NLGN1: variants seen among roughly 807,000 people sequenced by gnomAD.
NLGN1 encodes neuroligin 1, also known as neuroligin-1.
NLGN1 carries 12 observed loss-of-function variants against 65.5 expected under a neutral mutation model. The observed-to-expected ratio is 0.18, with a 90% CI of 0.12 to 0.30. The LOEUF is 0.30. Ranked by LOEUF, NLGN1 falls within the 10% of genes least tolerant of loss-of-function variation. The probability of loss-of-function intolerance (pLI) is 1.00; values close to 1 mark genes in which losing one functional copy is unlikely to be tolerated. For missense variants in NLGN1, 750 were observed against 1,007.1 expected (o/e 0.74, Z 3.46); for synonymous variants, 350 against 359.5 (o/e 0.97, Z 0.30).
intron 2 of NLGN1, among the ~76,000 whole-genome samples, chr3:173,559,196 C>G (rs76850473): frequency 6.6e-6 from 1 of 152,154 alleles, no homozygotes; most frequent in South Asian, 2.1e-4. Context: ...TGTGATTTCT[C>G]TCAATTTTCG....
At chr3:174,021,669 T>G (rs1259034077) in intron 4 of NLGN1, among the ~76,000 whole-genome samples, 1 of 152,166 alleles carries the variant, frequency 6.6e-6, no homozygotes, top group Non-Finnish European at 1.5e-5. Context: ...GGTTCTAGCC[T>G]TATGTATAAG....
At chr3:173,870,501 G>A (rs372625714) in intron 4 of NLGN1, among the ~76,000 whole-genome samples, 4 of 152,106 alleles carry the variant, frequency 2.6e-5, no homozygotes, top group African/African-American at 7.2e-5. Flanking sequence ...TCAGTTTTCC[G>A]ACAGTTTCAA....
chr3:174,225,538 T>A (rs1175689054), intron 4 of NLGN1, among the ~76,000 whole-genome samples: 1 of 152,172 alleles, frequency 6.6e-6, no homozygotes, highest in African/African-American at 2.4e-5. Context: ...AAGACCATCC[T>A]GGCTAACACA....
chr3:173,940,482 G>A (rs1447051826), intron 4 of NLGN1, among the ~76,000 whole-genome samples: 4 of 152,080 alleles, frequency 2.6e-5, no homozygotes, highest in Non-Finnish European at 2.9e-5. Flanking sequence ...ATCAACACCA[G>A]TTTATCTTTC....
At chr3:174,225,656 G>A (rs957853456) in intron 4 of NLGN1, among the ~76,000 whole-genome samples, 2 of 152,056 alleles carry the variant, frequency 1.3e-5, no homozygotes, top group African/African-American at 4.8e-5. Flanking sequence ...GCGTGAGCCC[G>A]GGAGGCGGAG....
chr3:173,446,373 T>C (rs1423592434), intron 2 of NLGN1, among the ~76,000 whole-genome samples: 14 of 152,216 alleles, frequency 9.2e-5, no homozygotes, highest in Non-Finnish European at 1.3e-4. Flanking sequence ...GCTTCATCCA[T>C]GTCCCTACAA....
chr3:173,579,285 G>A (rs1219790629), intron 2 of NLGN1, among the ~76,000 whole-genome samples: 1 of 152,210 alleles, frequency 6.6e-6, no homozygotes, highest in Non-Finnish European at 1.5e-5. Flanking sequence ...GCTAGCCTGG[G>A]CAACATAGTG....
intron 3 of NLGN1, among the ~76,000 whole-genome samples, chr3:173,797,702 A>AG (rs1714444408): frequency 6.6e-6 from 1 of 151,358 alleles, no homozygotes; most frequent in African/African-American, 2.4e-5. Context: ...ACAACAACAA[A>AG]AAAAAACAAG....
intron 4 of NLGN1, among the ~76,000 whole-genome samples, chr3:173,951,760 C>T (rs991632588): frequency 1.3e-5 from 2 of 152,026 alleles, no homozygotes; most frequent in South Asian, 2.1e-4. Flanking sequence ...TGCGCCAGGC[C>T]GAGACCAGGT....
intron 4 of NLGN1, among the ~76,000 whole-genome samples, chr3:174,244,501 ATG>A (rs1007343934): frequency 6.6e-6 from 1 of 152,202 alleles, no homozygotes; most frequent in African/African-American, 2.4e-5. Context: ...TTTCAAATAA[ATG>A]TCTTTTAATT....
At chr3:173,654,970 G>A (rs1337051307) in intron 3 of NLGN1, among the ~76,000 whole-genome samples, 1 of 152,100 alleles carries the variant, frequency 6.6e-6, no homozygotes, top group Non-Finnish European at 1.5e-5. Flanking sequence ...AGACTCCTTG[G>A]TTTCAGATCT....
intron 4 of NLGN1, among the ~76,000 whole-genome samples, chr3:173,810,347 G>T (rs1413315419): frequency 6.6e-6 from 1 of 152,108 alleles, no homozygotes; most frequent in African/African-American, 2.4e-5. Flanking sequence ...AAGGTTTCTT[G>T]GGTGTGGGAT....
intron 2 of NLGN1, among the ~76,000 whole-genome samples, chr3:173,446,214 C>G (rs576270381): frequency 8.7e-5 from 9 of 103,692 alleles, no homozygotes; most frequent in East Asian, 7.1e-4. Context: ...ATCCCTCCCC[C>G]CTACCCCCAC....
At chr3:173,638,949 A>G (rs1381676239) in intron 3 of NLGN1, among the ~76,000 whole-genome samples, 2 of 152,124 alleles carry the variant, frequency 1.3e-5, no homozygotes, top group African/African-American at 4.8e-5. Context: ...TGAAAACAGA[A>G]AAAAAAGAGT....
At chr3:173,560,559 G>A (rs762891110) in intron 2 of NLGN1, among the ~76,000 whole-genome samples, 6 of 151,606 alleles carry the variant, frequency 4.0e-5, no homozygotes, top group South Asian at 2.1e-4. Context: ...TCAAATACCC[G>A]TCTATTTTAG....
At chr3:173,733,441 G>T (rs1383559698) in intron 3 of NLGN1, among the ~76,000 whole-genome samples, 1 of 151,506 alleles carries the variant, frequency 6.6e-6, no homozygotes, top group Non-Finnish European at 1.5e-5. Context: ...TCTAATCATT[G>T]TTCCCTTTTC....
intron 4 of NLGN1, among the ~76,000 whole-genome samples, chr3:173,958,302 G>A (rs1368087067): frequency 6.6e-6 from 1 of 152,226 alleles, no homozygotes. Flanking sequence ...TGGAGGTTGA[G>A]CAAGGTAAAG....
At chr3:174,033,002 C>CTATA (rs1209082980) in intron 4 of NLGN1, among the ~76,000 whole-genome samples, 1 of 141,224 alleles carries the variant, frequency 7.1e-6, no homozygotes, top group Non-Finnish European at 1.5e-5. Context: ...ATAGATCTAT[C>CTATA]TATATATATA....
chr3:173,411,093 G>A (rs1394719158), intron 1 of NLGN1, among the ~76,000 whole-genome samples: 3 of 152,212 alleles, frequency 2.0e-5, no homozygotes, highest in African/African-American at 7.2e-5. Context: ...TCTGGCTGGT[G>A]GTGGAGGCTG....
Sources: gnomAD v4.1 joint callset for allele counts (sites outside exome capture counted in the v4.1 genomes callset) on GRCh38, gnomAD v4.1.1 for gene constraint, MANE v1.5 for transcripts, NCBI Gene and HGNC (gene_info 2026-07-23, HGNC 2026-07-21) for gene names.